Variants in ABCB4 observed in about 807,000 individuals in gnomAD.
The protein encoded by ABCB4 is phosphatidylcholine translocator ABCB4.
A neutral mutation model predicts 145.7 loss-of-function variants in ABCB4; 76 were observed. The ratio of observed to expected loss-of-function variants is 0.52; its 90% CI spans 0.43 to 0.63. The LOEUF (loss-of-function observed/expected upper bound fraction) is 0.63. Ranked by LOEUF, ABCB4 falls within the 30% of genes least tolerant of loss-of-function variation. ABCB4 has a pLI of 0.00. For missense variants in ABCB4, 1,234 were observed against 1,553.1 expected (o/e 0.79, Z 3.45); for synonymous variants, 517 against 566.8 (o/e 0.91, Z 1.25).
the ABCB4 span, among the ~76,000 whole-genome samples, chr7:87,394,305 C>A: frequency 2.0e-5 from 3 of 152,078 alleles, no homozygotes; most frequent in African/African-American, 7.2e-5. Context: ...TAGCAGATCA[C>A]AAAAAGTGAT....
intron 9 of ABCB4, among the ~76,000 whole-genome samples, chr7:87,446,294 A>G (rs576536347): frequency 1.3e-5 from 2 of 152,328 alleles, no homozygotes; most frequent in Admixed American, 1.3e-4. Flanking sequence ...TTCTATTTAA[A>G]TAGTTACATA....
chr7:87,467,506 G>GA (rs1329860012), intron 3 of ABCB4, among the ~76,000 whole-genome samples: 1 of 152,128 alleles, frequency 6.6e-6, no homozygotes, highest in African/African-American at 2.4e-5. Context: ...AGTTAACAAG[G>GA]ATATCCAGGA....
At chr7:87,408,366 G>A (rs549672794) in intron 24 of ABCB4, 132 bp from the exon 25 acceptor site, 2 of 949,472 alleles carry the variant, frequency 2.1e-6, no homozygotes, top group Admixed American at 2.1e-5. Flanking sequence ...TAGTTCTGGT[G>A]CCAGTTAATA....
chr7:87,398,449 T>C, downstream of ABCB4: 7 of 1,547,612 alleles, frequency 4.5e-6, no homozygotes, highest in Non-Finnish European at 6.2e-6. Flanking sequence ...CCAGATGAAA[T>C]AAAGTCCTGG....
At chr7:87,418,681 C>G in intron 19 of ABCB4, 61 bp from the exon 20 acceptor site, 1 of 1,479,186 alleles carries the variant, frequency 6.8e-7, no homozygotes, top group Non-Finnish European at 9.4e-7. Context: ...GAAAACCAGA[C>G]AAAGCCTCCC....
chr7:87,382,105 C>T, the ABCB4 span: 1 of 1,613,376 alleles, frequency 6.2e-7, no homozygotes, highest in Non-Finnish European at 8.5e-7. Flanking sequence ...ATACCACTTC[C>T]AGAAGAGCTC....
intron 16 of ABCB4, 84 bp downstream of exon 16, chr7:87,426,665 GA>G: frequency 4.8e-6 from 7 of 1,447,742 alleles, no homozygotes; most frequent in Non-Finnish European, 6.8e-6. Context: ...ATCTGTGCCT[GA>G]AAAATATTTG....
chr7:87,425,066 A>T (rs1809712806), intron 16 of ABCB4, among the ~76,000 whole-genome samples: 1 of 151,132 alleles, frequency 6.6e-6, no homozygotes, highest in Non-Finnish European at 1.5e-5. Flanking sequence ...CCTAGTTAAC[A>T]TTATCTTTAA....
intron 14 of ABCB4, among the ~76,000 whole-genome samples, chr7:87,434,230 C>T (rs1290484601): frequency 3.3e-5 from 5 of 151,624 alleles, no homozygotes; most frequent in Non-Finnish European, 5.9e-5. Context: ...GCGTGAGCCA[C>T]CACACCTGGC....
intron 27 of ABCB4, 103 bp downstream of exon 27, chr7:87,403,030 CTG>C (rs1302493246): frequency 1.4e-5 from 17 of 1,234,180 alleles, no homozygotes; most frequent in Non-Finnish European, 2.0e-5. Flanking sequence ...ATCTAACGTT[CTG>C]TGTTTTTCCC....
intron 21 of ABCB4, among the ~76,000 whole-genome samples, chr7:87,415,797 A>T (rs45488197): frequency 0.015 from 2,237 of 152,314 alleles, 62 homozygotes; most frequent in African/African-American, 0.05. Flanking sequence ...AAATTCTAAC[A>T]ATTAATGGAG....
chr7:87,475,515 G>A, intron 1 of ABCB4, 44 bp from the exon 2 acceptor site: 2 of 1,602,056 alleles, frequency 1.2e-6, no homozygotes, highest in South Asian at 2.2e-5. Context: ...ACCCTCTCCG[G>A]CGGCCCGGCG....
At chr7:87,391,351 T>C in the ABCB4 span, among the ~76,000 whole-genome samples, 4 of 152,342 alleles carry the variant, frequency 2.6e-5, no homozygotes, top group East Asian at 7.7e-4. Context: ...GGGGGCCATC[T>C]TAGAGGCTGT....
Position 87,417,723 on chromosome 7 carries a change from C to T in ABCB4, c.2479-208G>A, listed in dbSNP as rs35737120. 0.1 allele frequency among the ~76,000 whole-genome samples: 15,976 copies of T among 152,250 alleles called. 1,001 individuals carry two copies. The highest frequency in any genetic ancestry group is 0.17 in the African/African-American group (7,248 of 41,524). Reference sequence around the variant, plus strand: ...GTGCCTTTACACTCTCATTCCTCTCCTGCCCACCTGAACCAACATTCTAGA... The same window carrying T: ...GTGCCTTTACACTCTCATTCCTCTCTTGCCCACCTGAACCAACATTCTAGA... On this transcript the variant is annotated intron_variant, in intron 20 of 27. Transcript: ENST00000649586.
the ABCB4 span, among the ~76,000 whole-genome samples, chr7:87,379,027 C>T: frequency 1.3e-5 from 2 of 152,200 alleles, no homozygotes; most frequent in Non-Finnish European, 2.9e-5. Context: ...TTAATTGCCT[C>T]AGTTTTCTTC....
At chr7:87,407,311 C>A (rs1390869898) in intron 25 of ABCB4, among the ~76,000 whole-genome samples, 1 of 152,166 alleles carries the variant, frequency 6.6e-6, no homozygotes. Flanking sequence ...ATGTTACCTG[C>A]AGAATAGCTA....
At position 87,467,458 on chromosome 7, in the gene ABCB4, G is replaced by C. The variant is rs187546066; in HGVS notation, c.136-4550C>G. Among the ~76,000 whole-genome samples the C allele has an allele frequency of 1.7e-3, 252 of 152,168 alleles. 1 individual carries two copies. Among genetic ancestry groups the C allele is most frequent in the African/African-American group, 5.2e-3 (215 of 41,516 alleles). ...ACACAATAATAATGGGAGACTTTAA[G>C]ACCCCACTATCAGCATTAGACAGAT... On this transcript the variant is annotated intron_variant, in intron 3 of 27. Transcript: ENST00000649586.
intron 4 of ABCB4, among the ~76,000 whole-genome samples, chr7:87,457,648 G>A (rs1030083338): frequency 5.3e-5 from 8 of 152,264 alleles, no homozygotes; most frequent in Admixed American, 2.0e-4. Flanking sequence ...CTATGTTCCA[G>A]ACACTTTACA....
chr7:87,426,803 G>A lies in ABCB4; in HGVS notation c.2011C>T (p.Leu671Phe), dbSNP rs763768493. 22 of 1,613,864 alleles carry A rather than the reference G, an allele frequency of 1.4e-5. No homozygotes were observed. The highest frequency in any genetic ancestry group is 1.9e-5 in the Non-Finnish European group (22 of 1,179,958). The change falls in exon 16 of 28, where the codon CTT becomes TTT. Residue 671 changes from leucine to phenylalanine, a missense_variant. Leu to Phe is a conservative substitution (Grantham distance 22, BLOSUM62 0). Coordinates refer to ENST00000649586, the MANE Select transcript of ABCB4 (RefSeq NM_000443.4). ...TTCTGACACATTTGTGAATTTTTAA[G>A]GTTTTTCTGAGTAGAATGCCTAAAT... is the stretch of plus-strand genomic sequence containing the variant. The part of the protein sequence containing the change: ...RLFRHSTQKN[L>F]KNSQMCQKSL...
Sources: allele counts gnomAD v4.1 joint callset (sites outside exome capture counted in the v4.1 genomes callset), GRCh38; gene constraint gnomAD v4.1.1; transcripts MANE v1.5; gene names NCBI Gene and HGNC (gene_info 2026-07-23, HGNC 2026-07-21).